The following C5orf46 variants were observed in gnomAD, a reference collection of about 807,000 sequenced individuals.
C5orf46 encodes chromosome 5 open reading frame 46, also known as uncharacterized protein C5orf46.
C5orf46 carries 9 observed loss-of-function variants against 8.9 expected under a neutral mutation model. The observed-to-expected ratio is 1.01, with a 90% CI of 0.61 to 1.76. The LOEUF is 1.76. Ranked by LOEUF, C5orf46 falls within the 40% of genes most tolerant of loss-of-function variation. The pLI, the probability that C5orf46 is intolerant of heterozygous loss-of-function variation, is 0.00. For missense variants in C5orf46, 98 were observed against 107.8 expected, an observed-to-expected ratio of 0.91 and a Z score of 0.40; for synonymous variants, 47 against 41.4, an observed-to-expected ratio of 1.14 and a Z score of -0.52.
chr5:147,905,884 GA>G (rs1757743462), intron 1 of C5orf46, among the ~76,000 whole-genome samples: 1 of 152,284 alleles, frequency 6.6e-6, no homozygotes, highest in African/African-American at 2.4e-5. Flanking sequence ...GATTATACAT[GA>G]CAACAATAGC....
chr5:147,890,144 C>T (rs150184549), downstream of C5orf46, among the ~76,000 whole-genome samples: 11 of 152,198 alleles, frequency 7.2e-5, no homozygotes, highest in East Asian at 3.9e-4. Context: ...TTCCCATGTC[C>T]GTGCCTCTGT....
chr5:147,899,060 C>T (rs1437416400), intron 2 of C5orf46, among the ~76,000 whole-genome samples: 1 of 152,142 alleles, frequency 6.6e-6, no homozygotes, highest in African/African-American at 2.4e-5. Context: ...TTTAGTCATT[C>T]AAGGCCCAAA....
intron 2 of C5orf46, among the ~76,000 whole-genome samples, chr5:147,899,945 T>A (rs1364675516): frequency 6.6e-6 from 1 of 152,120 alleles, no homozygotes; most frequent in African/African-American, 2.4e-5. Context: ...GAAGGGCCAT[T>A]TCTGAGCCTA....
rs1429376363 is a variant in C5orf46, at chr5:147,906,475, T to C, written c.27A>G (p.Thr9=). 6.2e-7 allele frequency: 1 copy of C among 1,611,902 alleles called. No homozygotes were observed. Among genetic ancestry groups the C allele is most frequent in the Non-Finnish European group, 8.5e-7 (1 of 1,178,780 alleles). The change falls in exon 1 of 4, where the codon ACA becomes ACG. Residue 9 remains threonine (T), a synonymous_variant. Transcript: ENST00000318315. Reference sequence around the variant, plus strand: ...ATAAGACAAGCAGTCCCAGGACAACTGTCAGGCGAAGTACTGAGACAGCCA... The same window carrying C: ...ATAAGACAAGCAGTCCCAGGACAACCGTCAGGCGAAGTACTGAGACAGCCA... MAVSVLRL[T]VVLGLLVLFL...
At chr5:147,886,523 A>G (rs1355575468) in intron 2 of C5orf46, 1 of 151,156 alleles carries the variant, frequency 6.6e-6, no homozygotes, top group Non-Finnish European at 1.5e-5. Flanking sequence ...ATAATTATGT[A>G]TAACTGTAGT....
chr5:147,897,608 C>G (rs1187627418), intron 2 of C5orf46, among the ~76,000 whole-genome samples: 8 of 152,116 alleles, frequency 5.3e-5, no homozygotes, highest in Non-Finnish European at 2.9e-5. Context: ...GAATTGCAGT[C>G]TAGTGGAGAA....
At chr5:147,896,078 G>A (rs1284994879) in intron 3 of C5orf46, among the ~76,000 whole-genome samples, 2 of 152,122 alleles carry the variant, frequency 1.3e-5, no homozygotes, top group African/African-American at 4.8e-5. Context: ...GCAAAGGGGT[G>A]GTGTTGTATT....
chr5:147,896,345 A>T (rs1757579926), intron 3 of C5orf46, among the ~76,000 whole-genome samples: 1 of 152,212 alleles, frequency 6.6e-6, no homozygotes, highest in Admixed American at 6.5e-5. Flanking sequence ...CATAGTGATT[A>T]TGAATTAAAT....
rs1757523243 is a variant in C5orf46 at position 147,892,904 on chromosome 5, T to C, written c.*45A>G. The C allele has an allele frequency of 6.6e-6, 1 of 152,328 alleles. No individual in the cohort carries two copies. Among genetic ancestry groups the C allele is most frequent in the Non-Finnish European group, 1.5e-5 (1 of 68,030 alleles). The allele number at this position is 152,328 out of a possible 1,614,324, so 9.4% of individuals were successfully genotyped here. ...CCAAACTGGAAAAGCAGGATTTGGC[T>C]GCTCTTGGATTGTCCAGGAGCCACA... On this transcript the variant is annotated 3_prime_UTR_variant, in exon 4 of 4. Coordinates refer to ENST00000318315, the MANE Select transcript of C5orf46 (RefSeq NM_206966.3).
chr5:147,902,083 G>T lies in C5orf46; in HGVS notation c.71-310C>A, dbSNP rs534971842. Among the ~76,000 whole-genome samples, 5 of 152,272 alleles carry T rather than the reference G, an allele frequency of 3.3e-5. No homozygotes were observed. In the South Asian group the frequency reaches 1.0e-3, roughly 32 times the overall value. ...TCTCAGAGTTAAGCAGCCAGTAAGT[G>T]CCAGTGCCAGGACTGACATACAGAA... is the stretch of plus-strand genomic sequence containing the variant. On this transcript the variant is annotated intron_variant, in intron 1 of 3. Transcript: ENST00000318315.
At position 147,897,169 on chromosome 5, in the gene C5orf46, AT is replaced by A. The variant is rs1487285753; in HGVS notation, c.216-129del. ...CTAGATTTTTCTATGTCAGAAAGAAATAAGACCTAAAATTTCTACATAGTTC... is the reference window on the plus strand; with the variant it reads ...CTAGATTTTTCTATGTCAGAAAGAAAAAGACCTAAAATTTCTACATAGTTC... On this transcript the variant is annotated intron_variant, in intron 2 of 3. Transcript: ENST00000318315. 5 of 439,884 alleles carry A rather than the reference AT, an allele frequency of 1.1e-5. No individual in the cohort carries two copies. In the East Asian group the frequency reaches 1.7e-4, roughly 15 times the overall value. The allele number at this position is 439,884 out of a possible 1,614,324, so 27.2% of individuals were successfully genotyped here.
rs139001866 is a variant in C5orf46 at position 147,887,235 on chromosome 5, A to G, written n.205-6141T>C. 7.6e-4 allele frequency: 116 copies of G among 152,306 alleles called. 2 individuals are homozygous for G. Among genetic ancestry groups the G allele is most frequent in the Middle Eastern group, 3.4e-3 (1 of 294 alleles). 9.4% of individuals were successfully genotyped at this position (152,306 alleles called of 1,614,324 possible). On this transcript the variant is annotated intron_variant and non_coding_transcript_variant, in intron 2 of 2. Coordinates refer to the C5orf46 transcript ENST00000510432. ...AGATTAAAGACAGCAGAGGGCGCTC[A>G]TTATTAGCAAAATCAAGGAAAACAT...
chr5:147,891,151 A>T (rs1428120363), downstream of C5orf46, among the ~76,000 whole-genome samples: 2 of 152,196 alleles, frequency 1.3e-5, no homozygotes, highest in African/African-American at 4.8e-5. Flanking sequence ...GCATGATACC[A>T]ATCAGCCTCC....
At chr5:147,905,771 G>GCC (rs1757742383) in intron 1 of C5orf46, among the ~76,000 whole-genome samples, 1 of 152,176 alleles carries the variant, frequency 6.6e-6, no homozygotes, top group Admixed American at 6.5e-5. Context: ...CTGTATGTAT[G>GCC]CTCAAGTAAC....
intron 2 of C5orf46, among the ~76,000 whole-genome samples, chr5:147,899,534 CTTAA>C (rs1757635069): frequency 6.6e-6 from 1 of 152,122 alleles, no homozygotes; most frequent in Non-Finnish European, 1.5e-5. Context: ...GATATCTTTC[CTTAA>C]TTAATTAATT....
rs547713219 is a variant in C5orf46 at position 147,902,712 on chromosome 5, C to T, written c.71-939G>A. On this transcript the variant is annotated intron_variant, in intron 1 of 3. Coordinates refer to ENST00000318315, the MANE Select transcript of C5orf46 (RefSeq NM_206966.3). ...GCATTAAAATTTGGATTCTAAAGTA[C>T]TCTATGATGAGCTGCACAGTCTTTG... Among the ~76,000 whole-genome samples the T allele has an allele frequency of 1.0e-3, 152 of 152,308 alleles. 1 individual carries two copies. Among genetic ancestry groups the T allele is most frequent in the African/African-American group, 3.5e-3 (147 of 41,564 alleles).
At chr5:147,890,349 C>T (rs192578057), downstream of C5orf46, among the ~76,000 whole-genome samples, 1 of 152,260 alleles carries the variant, frequency 6.6e-6, no homozygotes, top group East Asian at 1.9e-4. Context: ...AGAACAGCTG[C>T]TCTCTGCTAG....
chr5:147,901,653 A>T lies in C5orf46; in HGVS notation c.191T>A (p.Ile64Asn). The change falls in exon 2 of 4, where the codon ATC becomes AAC. Residue 64 changes from isoleucine (I) to asparagine (N), a missense_variant. By Grantham distance (149) the Ile-to-Asn change is moderately radical. Transcript: ENST00000318315. ...TEIIENAVEF[I>N]LRSMSRSTGF... ...CGTGCTCCTGGACATGGAGCGGAGG[A>T]TGAACTCGACTGCATTCTCAATGAT... 6.2e-7 allele frequency: 1 copy of T among 1,614,038 alleles called. No homozygotes were observed. Among genetic ancestry groups the T allele is most frequent in the Non-Finnish European group, 8.5e-7 (1 of 1,179,952 alleles).
downstream of C5orf46, chr5:147,887,748 A>G (rs1486376416): frequency 6.6e-6 from 1 of 152,214 alleles, no homozygotes; most frequent in African/African-American, 2.4e-5. Context: ...CACAGTGACA[A>G]GAGATTGCCT....
Sources: allele counts gnomAD v4.1 joint callset (sites outside exome capture counted in the v4.1 genomes callset), GRCh38; gene constraint gnomAD v4.1.1; transcripts MANE v1.5; gene names NCBI Gene and HGNC (gene_info 2026-07-23, HGNC 2026-07-21).